The following KRT86 variants were observed in gnomAD, a reference collection of about 807,000 sequenced individuals.
KRT86 encodes the protein keratin, type II cuticular Hb6.
A neutral mutation model predicts 41.2 loss-of-function variants in KRT86; 30 were observed. The observed-to-expected ratio is 0.73, with a 90% CI of 0.54 to 0.99. The LOEUF (loss-of-function observed/expected upper bound fraction) is 0.99. KRT86 is among the 50% of genes least tolerant of loss of function. KRT86 has a pLI of 0.00. For synonymous variants in KRT86, 238 were observed against 238.1 expected, an observed-to-expected ratio of 1.00 and a Z score of 0.00; for missense variants, 561 against 571.4, an observed-to-expected ratio of 0.98 and a Z score of 0.19.
rs917502593 is a variant in KRT86, at chr12:52,305,082, G to T, written c.735+55G>T. The T allele has an allele frequency of 1.2e-5, 20 of 1,610,712 alleles. No individual in the cohort carries two copies. In the African/African-American group the frequency reaches 2.5e-4, roughly 20 times the overall value. ...GGCAGCCAGCAGAGAGGAGAGATGG[G>T]GGTGGGAGTGTTGGACAGGATGTGG... On this transcript the variant is annotated intron_variant, in intron 6 of 10. Transcript: ENST00000423955.
intron 2 of KRT86, chr12:52,286,812 C>A (rs772669761): frequency 1.4e-5 from 22 of 1,613,960 alleles, no homozygotes; most frequent in Non-Finnish European, 1.8e-5. Flanking sequence ...GCCCCAATGC[C>A]TTCACATAGC....
intron 2 of KRT86, chr12:52,291,489 C>T (rs776185671): frequency 6.2e-7 from 1 of 1,611,986 alleles, no homozygotes; most frequent in South Asian, 1.1e-5. Context: ...GTTTGGGTTG[C>T]AGAGGACAGG....
chr12:52,308,704 C>G lies in KRT86; in HGVS notation c.*119C>G, dbSNP rs1938576554. On this transcript the variant is annotated 3_prime_UTR_variant, in exon 11 of 11. Coordinates refer to ENST00000423955, the MANE Select transcript of KRT86 (RefSeq NM_001320198.2). ...ATAGCCGCCGCCCGCTGCCTGCACT[C>G]TAAGCGCCCTCCCCACCGCTCCGCT... 2 of 989,392 alleles carry G rather than the reference C, an allele frequency of 2.0e-6. No individual in the cohort carries two copies. The highest frequency in any genetic ancestry group is 3.0e-6 in the Non-Finnish European group (2 of 663,566). 61.3% of individuals were successfully genotyped at this position (989,392 alleles called of 1,614,324 possible). A position where few individuals can be genotyped will look rare whatever the true frequency, so the allele number is the denominator to read the frequency against.
At chr12:52,300,553 G>A (rs1455339445) in intron 2 of KRT86, among the ~76,000 whole-genome samples, 1 of 152,146 alleles carries the variant, frequency 6.6e-6, no homozygotes, top group African/African-American at 2.4e-5. Context: ...GATCACACAG[G>A]GGTACTCAGG....
Position 52,305,644 on chromosome 12 carries a change from G to A in KRT86, c.901-19G>A. On this transcript the variant is annotated intron_variant, in intron 7 of 10. Coordinates refer to ENST00000423955, the MANE Select transcript of KRT86 (RefSeq NM_001320198.2). ...GGAGGTCCCACCCTGAACCTCATGA[G>A]CATCTCTACTTCCCCCAGTGTGAGG... 1 of 1,614,100 alleles carries A rather than the reference G, an allele frequency of 6.2e-7. No individual in the cohort carries two copies. The highest frequency in any genetic ancestry group is 8.5e-7 in the Non-Finnish European group (1 of 1,179,944).
At chr12:52,287,952 C>A in intron 2 of KRT86, 1 of 1,614,140 alleles carries the variant, frequency 6.2e-7, no homozygotes, top group Middle Eastern at 1.7e-4. Flanking sequence ...CCCACTGACA[C>A]GTCTAGCAGG....
chr12:52,307,297 G>T (rs1938540886), intron 9 of KRT86, among the ~76,000 whole-genome samples: 1 of 152,240 alleles, frequency 6.6e-6, no homozygotes, highest in Admixed American at 6.5e-5. Flanking sequence ...AGTTTTCCAA[G>T]TCTGAATTTG....
At chr12:52,287,618 T>C in intron 2 of KRT86, 1 of 1,613,948 alleles carries the variant, frequency 6.2e-7, no homozygotes, top group Non-Finnish European at 8.5e-7. Flanking sequence ...ATTCTCCACC[T>C]CGGCCGTCAG....
chr12:52,301,764 C>G, intron 2 of KRT86, 149 bp from the exon 3 acceptor site: 1 of 1,519,680 alleles, frequency 6.6e-7, no homozygotes, highest in Admixed American at 1.7e-5. Context: ...CCCATAAAGC[C>G]TTCTAATTGC....
intron 2 of KRT86, among the ~76,000 whole-genome samples, chr12:52,279,673 T>C (rs1937727994): frequency 6.6e-6 from 1 of 152,196 alleles, no homozygotes; most frequent in Admixed American, 6.5e-5. Context: ...TGTGAGGGTC[T>C]ATGTGACTTA....
At chr12:52,281,127 C>G (rs1937762738) in intron 2 of KRT86, among the ~76,000 whole-genome samples, 1 of 152,324 alleles carries the variant, frequency 6.6e-6, no homozygotes, top group African/African-American at 2.4e-5. Context: ...ACATTCCAGA[C>G]TGGGGTGGGA....
At chr12:52,295,490 G>T (rs1938227931) in intron 2 of KRT86, among the ~76,000 whole-genome samples, 1 of 152,146 alleles carries the variant, frequency 6.6e-6, no homozygotes, top group Non-Finnish European at 1.5e-5. Context: ...ACAGTAGCTG[G>T]TGTTTGTACA....
At chr12:52,288,165 C>T (rs1938021399) in intron 2 of KRT86, 1 of 1,613,998 alleles carries the variant, frequency 6.2e-7, no homozygotes, top group South Asian at 1.1e-5. Flanking sequence ...GAGGTGAGGG[C>T]AGTGACTTTA....
chr12:52,286,425 C>T (rs1472150207), intron 2 of KRT86: 3 of 1,553,388 alleles, frequency 1.9e-6, no homozygotes, highest in Non-Finnish European at 2.6e-6. Context: ...CAGACACTGC[C>T]AGTCACTGGC....
intron 2 of KRT86, 55 bp downstream of exon 2, chr12:52,276,001 A>G: frequency 2.0e-6 from 2 of 985,842 alleles, no homozygotes; most frequent in Non-Finnish European, 2.4e-6. Flanking sequence ...GGTGACCATT[A>G]TTTATGACAA....
intron 2 of KRT86, among the ~76,000 whole-genome samples, chr12:52,298,224 G>A (rs1344306297): frequency 6.6e-6 from 1 of 152,128 alleles, no homozygotes; most frequent in African/African-American, 2.4e-5. Context: ...TTGAAGGAGG[G>A]GCATGTGTTT....
chr12:52,305,641 T>C, intron 7 of KRT86, 22 bp from the exon 8 acceptor site: 2 of 1,614,038 alleles, frequency 1.2e-6, no homozygotes, highest in Non-Finnish European at 1.7e-6. Context: ...CTGAACCTCA[T>C]GAGCATCTCT....
chr12:52,290,952 T>C (rs1938098970), intron 2 of KRT86: 2 of 347,516 alleles, frequency 5.8e-6, no homozygotes, highest in South Asian at 2.3e-5. Flanking sequence ...CATGTGTCTG[T>C]CTGTCTGTGT....
intron 2 of KRT86, chr12:52,286,339 G>A (rs757257708): frequency 4.5e-6 from 7 of 1,555,024 alleles, no homozygotes; most frequent in Admixed American, 1.9e-5. Flanking sequence ...AACCCCCTCC[G>A]CAGGTGGTGT....
Sources: gnomAD v4.1 joint callset for allele counts (sites outside exome capture counted in the v4.1 genomes callset) on GRCh38, gnomAD v4.1.1 for gene constraint, MANE v1.5 for transcripts, NCBI Gene and HGNC (gene_info 2026-07-23, HGNC 2026-07-21) for gene names.